The following MSI1 variants were observed in gnomAD, a reference collection of about 807,000 sequenced individuals.
MSI1 encodes the protein RNA-binding protein Musashi homolog 1.
MSI1 carries 15 observed loss-of-function variants against 54.4 expected under a neutral mutation model. The ratio of observed to expected loss-of-function variants is 0.28; its 90% CI spans 0.18 to 0.42. MSI1 has a LOEUF of 0.42. MSI1 is among the 20% of genes least tolerant of loss of function. The pLI, the probability that MSI1 is intolerant of heterozygous loss-of-function variation, is 1.00. For synonymous variants in MSI1, 200 were observed against 196.5 expected (o/e 1.02, Z -0.15); for missense variants, 304 against 506.0 (o/e 0.60, Z 3.83).
rs562536180 is a variant in MSI1, at chr12:120,351,988, A to G, written c.734-588T>C. 1.7e-4 allele frequency among the ~76,000 whole-genome samples: 25 copies of G among 147,842 alleles called. No individual in the cohort carries two copies. In the South Asian group the frequency reaches 1.9e-3, roughly 11 times the overall value. ...CTCCCAAAGTGCTGGGATTACAGGCATGAACCACCGCGCCTGGCCCTTTTT... is the reference window on the plus strand; with the variant it reads ...CTCCCAAAGTGCTGGGATTACAGGCGTGAACCACCGCGCCTGGCCCTTTTT... On this transcript the variant is annotated intron_variant, in intron 10 of 14. Coordinates refer to ENST00000257552, the MANE Select transcript of MSI1 (RefSeq NM_002442.4).
intron 11 of MSI1, among the ~76,000 whole-genome samples, chr12:120,349,513 C>G (rs920704816): frequency 7.9e-5 from 12 of 152,220 alleles, no homozygotes; most frequent in Non-Finnish European, 1.5e-4. Context: ...GGATTACAGG[C>G]ATGAGCCACC....
In MSI1 at chr12:120,346,166, G is replaced by A. The variant is rs1436455672; in HGVS notation, c.1016C>T (p.Ala339Val). Residue 339 changes from alanine (A) to valine (V), a missense_variant, in exon 13 of 15, where the codon GCC (alanine) becomes GTC (valine). By Grantham distance (64) the Ala-to-Val change is moderately conservative. This residue lies in a region of MSI1 where 147 missense variants were observed against 231.5 expected (regional missense o/e 0.64). Transcript: ENST00000257552. Reference protein sequence around the residue: ...VSSYISAASPAPSTGFGHSLG... With the variant: ...VSSYISAASPVPSTGFGHSLG... ...ACTGTGGCCGAAGCCGGTGCTGGGGGCAGGGCTGGCGGCGCTGATGTAACT... is the reference window on the plus strand; with the variant it reads ...ACTGTGGCCGAAGCCGGTGCTGGGGACAGGGCTGGCGGCGCTGATGTAACT... The A allele has an allele frequency of 6.3e-6, 10 of 1,594,766 alleles. No individual in the cohort carries two copies. The highest frequency in any genetic ancestry group is 8.5e-6 in the Non-Finnish European group (10 of 1,172,094).
chr12:120,347,544 T>G lies in MSI1; in HGVS notation c.791-30A>C, dbSNP rs1252392899. ...AAGGAAAGGGATGGGCACATCAGCA[T>G]GGCGGTGAGGGGCAGAGATGGGTGA... On this transcript the variant is annotated intron_variant, in intron 11 of 14. Transcript: ENST00000257552. 2.5e-6 allele frequency: 4 copies of G among 1,613,586 alleles called. No individual in the cohort carries two copies. The South Asian group carries it at 4.4e-5, about 18-fold the overall frequency.
In MSI1 at chr12:120,342,650, TAAAAAAAAAAAAA is replaced by T. The variant is rs35991527; in HGVS notation, c.*464_*476del. ...AGAAATAGTTTAAAAAAGGTTTCTT[TAAAAAAAAAAAAA>T]AAAAAAAAAAGGGAAAGGGTAAAGG... On this transcript the variant is annotated 3_prime_UTR_variant, in exon 15 of 15. Transcript: ENST00000257552. 1.0e-5 allele frequency: 1 copy of T among 99,784 alleles called. No individual in the cohort carries two copies. Among genetic ancestry groups the T allele is most frequent in the East Asian group, 2.8e-4 (1 of 3,510 alleles). The allele number at this position is 99,784 out of a possible 1,614,324, so 6.2% of individuals were successfully genotyped here. A position where few individuals can be genotyped will look rare whatever the true frequency, so the allele number is the denominator to read the frequency against.
intron 12 of MSI1, among the ~76,000 whole-genome samples, chr12:120,346,689 C>T (rs753148761): frequency 1.2e-4 from 18 of 152,284 alleles, no homozygotes; most frequent in East Asian, 3.9e-4. Flanking sequence ...ACTTTCCCCA[C>T]CCACTGGCCT....
intron 5 of MSI1, 21 bp from the exon 6 acceptor site, chr12:120,363,156 A>G (rs1875786786): frequency 6.2e-7 from 1 of 1,609,500 alleles, no homozygotes; most frequent in African/African-American, 1.3e-5. Flanking sequence ...AGGGAATGAG[A>G]AAGTGGGCAT....
intron 11 of MSI1, among the ~76,000 whole-genome samples, chr12:120,347,724 A>G (rs746851182): frequency 4.6e-5 from 7 of 152,312 alleles, no homozygotes; most frequent in Non-Finnish European, 8.8e-5. Context: ...GAGAGAGGAC[A>G]GCTTCCCAGT....
chr12:120,362,893 T>A (rs1557769), intron 6 of MSI1, 150 bp downstream of exon 6: 101,171 of 652,732 alleles, frequency 0.15, 8,439 homozygotes, highest in African/African-American at 0.21. Flanking sequence ...GGCTGCAAGG[T>A]GGATTGGCCT....
intron 9 of MSI1, among the ~76,000 whole-genome samples, chr12:120,356,234 A>G (rs899752694): frequency 1.3e-5 from 2 of 152,068 alleles, no homozygotes; most frequent in Non-Finnish European, 2.9e-5. Context: ...AAGTTGCTCA[A>G]TAAATATTAC....
At position 120,354,991 on chromosome 12, in the gene MSI1, C is replaced by T. The variant is rs145436525; in HGVS notation, c.653-1612G>A. On this transcript the variant is annotated intron_variant, in intron 9 of 14. Transcript: ENST00000257552. ...AGAAGATTGCTTGAGGCCAGGAGTT[C>T]GAGACCAGCTGGGCAACATAGTGAG... is the stretch of plus-strand genomic sequence containing the variant. 5.9e-3 allele frequency among the ~76,000 whole-genome samples: 695 copies of T among 118,010 alleles called. 5 individuals carry two copies. Among genetic ancestry groups the T allele is most frequent in the African/African-American group, 0.021 (631 of 29,898 alleles). The allele number at this position is 118,010 out of a possible 152,430, so 77.4% of individuals were successfully genotyped here.
At chr12:120,363,325 C>T (rs1188204365) in intron 5 of MSI1, among the ~76,000 whole-genome samples, 190 bp from the exon 6 acceptor site, 1 of 149,778 alleles carries the variant, frequency 6.7e-6, no homozygotes, top group Non-Finnish European at 1.5e-5. Context: ...AGCTGTGCAC[C>T]CACACCCTGG....
Position 120,346,274 on chromosome 12 carries a change from C to T in MSI1, c.908G>A (p.Arg303His), listed in dbSNP as rs1210006090. 5 of 1,587,866 alleles carry T rather than the reference C, an allele frequency of 3.1e-6. No homozygotes were observed. Among genetic ancestry groups the T allele is most frequent in the East Asian group, 2.3e-5 (1 of 44,066 alleles). Residue 303 changes from arginine (R) to histidine (H), a missense_variant, in exon 13 of 15, where the codon CGC becomes CAC. By Grantham distance (29) the Arg-to-His change is conservative. Coordinates refer to ENST00000257552, the MANE Select transcript of MSI1 (RefSeq NM_002442.4). ...MAPPPGSTPS[R>H]TGGFLGTTSP... ...GGTGGTCCCCAGGAAGCCCCCTGTG[C>T]GGCTGGGAGTCGAACCTGGAGGGGG... is the stretch of plus-strand genomic sequence containing the variant.
downstream of MSI1, among the ~76,000 whole-genome samples, chr12:120,340,233 C>A (rs1388660673): frequency 1.3e-5 from 2 of 151,688 alleles, no homozygotes. Context: ...ACTACAGGTG[C>A]GTGCCACCAC....
chr12:120,340,962 C>T (rs183099617), downstream of MSI1, among the ~76,000 whole-genome samples: 6 of 150,374 alleles, frequency 4.0e-5, no homozygotes, highest in African/African-American at 7.3e-5. Context: ...CTCAGCTCAC[C>T]GCAGCCTCCA....
rs201245125 is a variant in MSI1 at position 120,357,787 on chromosome 12, G to A, written c.534+29C>T. The A allele has an allele frequency of 5.5e-5, 88 of 1,610,148 alleles. 1 individual carries two copies. The South Asian group carries it at 7.5e-4, about 14-fold the overall frequency. On this transcript the variant is annotated intron_variant, in intron 8 of 14. Coordinates refer to ENST00000257552, the MANE Select transcript of MSI1 (RefSeq NM_002442.4). ...TCCCCAAAGTGCTTGGCTTACAGGC[G>A]TGAGCCACTGCGCCCGGACCCAACT...
At chr12:120,367,955 C>A in intron 4 of MSI1, 53 bp downstream of exon 4, 1 of 1,546,728 alleles carries the variant, frequency 6.5e-7, no homozygotes, top group Non-Finnish European at 8.8e-7. Context: ...TGACCCTCTC[C>A]TCCGGCAGCC....
chr12:120,340,614 C>T (rs1174520515), downstream of MSI1, among the ~76,000 whole-genome samples: 2 of 151,940 alleles, frequency 1.3e-5, no homozygotes, highest in Non-Finnish European at 2.9e-5. Context: ...TCCCAGGGCT[C>T]AAGCAATCTT....
chr12:120,347,571 G>A, intron 11 of MSI1, 57 bp from the exon 12 acceptor site: 1 of 1,602,314 alleles, frequency 6.2e-7, no homozygotes, highest in East Asian at 2.2e-5. Context: ...GATGGGTGAA[G>A]GAGGCCCCTA....
At position 120,357,846 on chromosome 12, in the gene MSI1, T is replaced by C. The variant is rs765344479; in HGVS notation, c.504A>G (p.Glu168=). The C allele has an allele frequency of 6.2e-7, 1 of 1,614,144 alleles. No homozygotes were observed. Among genetic ancestry groups the C allele is most frequent in the Non-Finnish European group, 8.5e-7 (1 of 1,180,024 alleles). ...ESEDIVEKVC[E]IHFHEINNKM... is the part of the protein sequence containing the mutation. ...TGTTGTTGATTTCATGAAAATGAAT[T>C]TCACACACTTTCTCCACGATGTCCT... Residue 168 remains glutamate (E), a synonymous_variant, in exon 8 of 15, where the codon GAA becomes GAG. Transcript: ENST00000257552.
Sources: allele counts gnomAD v4.1 joint callset (sites outside exome capture counted in the v4.1 genomes callset), GRCh38; gene constraint gnomAD v4.1.1; regional missense constraint gnomAD v4.1.1; transcripts MANE v1.5; gene names NCBI Gene and HGNC (gene_info 2026-07-23, HGNC 2026-07-21).